The following LMX1B variants were observed in gnomAD, a reference collection of about 807,000 sequenced individuals.
The protein encoded by LMX1B is LIM homeobox transcription factor 1-beta.
A neutral mutation model predicts 51.4 loss-of-function variants in LMX1B; 12 were observed. That is an observed-to-expected ratio of 0.23 (90% CI 0.15 to 0.38). LMX1B has a LOEUF of 0.38. Among genes scored for constraint, LMX1B ranks in the 10% least tolerant of loss-of-function variants. The pLI, the probability that LMX1B is intolerant of heterozygous loss-of-function variation, is 1.00. For synonymous variants in LMX1B, 237 were observed against 235.4 expected (o/e 1.01, Z -0.06); for missense variants, 445 against 571.1 (o/e 0.78, Z 2.25).
intron 2 of LMX1B, 124 bp from the exon 3 acceptor site, chr9:126,690,712 G>A (rs1588305270): frequency 2.6e-6 from 2 of 782,154 alleles, no homozygotes; most frequent in East Asian, 5.4e-5. Context: ...GGTGCCCAAG[G>A]AGGGCCTCTC....
At chr9:126,642,719 A>C (rs1194566464) in intron 2 of LMX1B, among the ~76,000 whole-genome samples, 1 of 152,200 alleles carries the variant, frequency 6.6e-6, no homozygotes, top group East Asian at 1.9e-4. Flanking sequence ...AACAAGGGGG[A>C]AGAAATGCTT....
In LMX1B at chr9:126,614,098, C is replaced by T. The variant is rs1164506242; in HGVS notation, c.-352C>T. The stretch of plus-strand genomic sequence containing the variant: ...CCTGCACCCCCACCCCCTCCCCCGC[C>T]TGCCGCCGCCGCCACCGCCACCGCC... On this transcript the variant is annotated 5_prime_UTR_variant, in exon 1 of 8. Coordinates refer to ENST00000373474, the MANE Select transcript of LMX1B (RefSeq NM_001174147.2). Among the ~76,000 whole-genome samples the T allele has an allele frequency of 7.3e-6, 1 of 137,452 alleles. No homozygotes were observed. Among genetic ancestry groups the T allele is most frequent in the Admixed American group, 7.3e-5 (1 of 13,774 alleles). The allele number at this position is 137,452 out of a possible 152,430, so 90.2% of individuals were successfully genotyped here.
intron 2 of LMX1B, among the ~76,000 whole-genome samples, chr9:126,633,381 C>T (rs1835663794): frequency 6.6e-6 from 1 of 152,208 alleles, no homozygotes; most frequent in Admixed American, 6.5e-5. Flanking sequence ...ATCCGTGTGT[C>T]ATGTCATTGT....
rs1330343311 is a variant in LMX1B at position 126,625,045 on chromosome 9, G to C, written c.326+9476G>C. Among the ~76,000 whole-genome samples, 1 of 152,222 alleles carries C rather than the reference G, an allele frequency of 6.6e-6. No individual in the cohort carries two copies. The highest frequency in any genetic ancestry group is 1.5e-5 in the Non-Finnish European group (1 of 68,040). The stretch of plus-strand genomic sequence containing the variant: ...CTGTCGTTTAATCAGAGGCTGTGCC[G>C]CTCAAACCGCGGGGCCCTTTGTCCC... On this transcript the variant is annotated intron_variant, in intron 2 of 7. Coordinates refer to ENST00000373474, the MANE Select transcript of LMX1B (RefSeq NM_001174147.2). The surrounding 1 kb of genome is among the most constrained non-coding windows in gnomAD (Gnocchi z 5.3).
chr9:126,662,679 G>A (rs956356397), intron 2 of LMX1B, among the ~76,000 whole-genome samples: 1 of 152,226 alleles, frequency 6.6e-6, no homozygotes, highest in Non-Finnish European at 1.5e-5. Flanking sequence ...GCCGGTGGGC[G>A]GCCTGTTGGA....
intron 3 of LMX1B, 127 bp from the exon 4 acceptor site, chr9:126,693,014 TG>T: frequency 2.0e-6 from 2 of 988,306 alleles, no homozygotes; most frequent in Non-Finnish European, 3.0e-6. Flanking sequence ...CCTGGGCCAC[TG>T]GGGAGCCACG....
chr9:126,644,443 C>T (rs1408022351), intron 2 of LMX1B, among the ~76,000 whole-genome samples: 3 of 152,136 alleles, frequency 2.0e-5, no homozygotes, highest in Non-Finnish European at 2.9e-5. Context: ...ATTCTTCTCC[C>T]GCATAACTGG....
intron 2 of LMX1B, among the ~76,000 whole-genome samples, chr9:126,624,787 C>A (rs1375047107): frequency 6.6e-6 from 1 of 151,640 alleles, no homozygotes; most frequent in Non-Finnish European, 1.5e-5. Flanking sequence ...AGGGGGATTA[C>A]AAAAACCCTA....
At chr9:126,624,969 A>G (rs1835492675) in intron 2 of LMX1B, among the ~76,000 whole-genome samples, 2 of 152,180 alleles carry the variant, frequency 1.3e-5, no homozygotes, top group Admixed American at 1.3e-4. Flanking sequence ...ATCTTCTAAT[A>G]AGATTATGTC....
At chr9:126,647,323 G>A (rs1195469846) in intron 2 of LMX1B, among the ~76,000 whole-genome samples, 2 of 152,196 alleles carry the variant, frequency 1.3e-5, no homozygotes, top group Non-Finnish European at 2.9e-5. Flanking sequence ...AACTCCCTTA[G>A]AAGGTGGAAT....
chr9:126,654,817 C>A (rs960730565), intron 2 of LMX1B, among the ~76,000 whole-genome samples: 2 of 152,170 alleles, frequency 1.3e-5, no homozygotes, highest in African/African-American at 4.8e-5. Flanking sequence ...TTACTCCCCA[C>A]CCCCTGCATC....
intron 2 of LMX1B, among the ~76,000 whole-genome samples, chr9:126,650,379 C>T (rs1371136028): frequency 6.6e-6 from 1 of 152,194 alleles, no homozygotes; most frequent in Non-Finnish European, 1.5e-5. Context: ...TCTGACCGGT[C>T]AGCTGAGAGG....
chr9:126,664,392 C>G (rs1836301855), intron 2 of LMX1B, among the ~76,000 whole-genome samples: 1 of 152,186 alleles, frequency 6.6e-6, no homozygotes, highest in African/African-American at 2.4e-5. Context: ...CCCACCCAAA[C>G]AGACAGCCCC....
chr9:126,693,732 C>T lies in LMX1B; in HGVS notation c.820-14C>T, dbSNP rs578206037. ...CGAGGGGCAGCACCGGCCTGAACTG[C>T]GCTCTCCCTGCAGATGAAGAAGCTG... is the stretch of plus-strand genomic sequence containing the variant. On this transcript the variant is annotated splice_polypyrimidine_tract_variant and intron_variant, in intron 5 of 7. Transcript: ENST00000373474. 2.4e-5 allele frequency: 37 copies of T among 1,563,760 alleles called. No homozygotes were observed. Among genetic ancestry groups the T allele is most frequent in the African/African-American group, 1.3e-4 (10 of 74,120 alleles).
chr9:126,678,035 G>A (rs1042893248), intron 2 of LMX1B, among the ~76,000 whole-genome samples: 7 of 152,194 alleles, frequency 4.6e-5, no homozygotes, highest in African/African-American at 1.7e-4. Flanking sequence ...AAACTGCTGG[G>A]CATGGTGGCT....
intron 1 of LMX1B, among the ~76,000 whole-genome samples, chr9:126,614,863 C>A (rs1318778686): frequency 6.6e-6 from 1 of 152,034 alleles, no homozygotes; most frequent in Admixed American, 6.5e-5. Context: ...TGGCGGGTGG[C>A]AGGGGTGATG....
intron 2 of LMX1B, among the ~76,000 whole-genome samples, chr9:126,651,468 G>T (rs904161340): frequency 3.3e-5 from 5 of 152,146 alleles, no homozygotes; most frequent in Non-Finnish European, 5.9e-5. Flanking sequence ...GGGGACAGCG[G>T]CCTCCTGTTG....
intron 2 of LMX1B, among the ~76,000 whole-genome samples, chr9:126,675,721 C>T (rs1350855508): frequency 7.6e-6 from 1 of 132,284 alleles, no homozygotes; most frequent in East Asian, 2.2e-4. Flanking sequence ...AAGACTCCAT[C>T]TCAAAAAAAA....
rs182723924 is a variant in LMX1B at position 126,681,934 on chromosome 9, C to A, written c.327-8902C>A. On this transcript the variant is annotated intron_variant, in intron 2 of 7. Transcript: ENST00000373474. ...AAAATAATAATAATAAAATAAAATGCCAATCAGATCACACCCCCCCACCCT... is the reference window on the plus strand; with the variant it reads ...AAAATAATAATAATAAAATAAAATGACAATCAGATCACACCCCCCCACCCT... 1.5e-3 allele frequency among the ~76,000 whole-genome samples: 225 copies of A among 151,372 alleles called. 1 individual carries two copies. Among genetic ancestry groups the A allele is most frequent in the Non-Finnish European group, 2.5e-3 (167 of 67,838 alleles).
Sources: allele counts gnomAD v4.1 joint callset (sites outside exome capture counted in the v4.1 genomes callset), GRCh38; gene constraint gnomAD v4.1.1; non-coding constraint Gnocchi (gnomAD v3.1); transcripts MANE v1.5; gene names NCBI Gene and HGNC (gene_info 2026-07-23, HGNC 2026-07-21).